EIF4A2: variants seen among roughly 807,000 people sequenced by gnomAD.
EIF4A2 encodes eukaryotic initiation factor 4A-II.
Under a neutral mutation model 50.6 loss-of-function variants are expected in EIF4A2, and 9 were observed. The observed-to-expected ratio is 0.18, with a 90% confidence interval of 0.11 to 0.31. The LOEUF (loss-of-function observed/expected upper bound fraction) is 0.31. EIF4A2 is among the 10% of genes least tolerant of loss of function. The pLI is 1.00. For missense variants in EIF4A2, 182 were observed against 501.8 expected (o/e 0.36, Z 6.09); for synonymous variants, 215 against 164.4 (o/e 1.31, Z -2.35).
intron 10 of EIF4A2, 115 bp downstream of exon 10, chr3:186,787,997 A>C (rs1721854583): frequency 9.0e-7 from 1 of 1,114,444 alleles, no homozygotes; most frequent in Admixed American, 2.5e-5. Flanking sequence ...AGTAGTGTTC[A>C]GTAAGATGAT....
intron 9 of EIF4A2, 90 bp downstream of exon 9, chr3:186,787,674 T>A: frequency 6.3e-7 from 1 of 1,592,536 alleles, no homozygotes; most frequent in Non-Finnish European, 8.6e-7. Context: ...TTGGGCTATT[T>A]GGAAGAGTAA....
In EIF4A2 at chr3:186,787,415, C is replaced by T. The variant is rs184058253; in HGVS notation, c.910-80C>T. 45 of 1,606,062 alleles carry T rather than the reference C, an allele frequency of 2.8e-5. 1 individual carries two copies. In the Middle Eastern group the frequency reaches 1.2e-3, roughly 41 times the overall value. ...GCTATTCTCCTGTAGCAGCCAGGGA[C>T]GCTTGGTCTCATACATGTTGATTAA... is the stretch of plus-strand genomic sequence containing the variant. On this transcript the variant is annotated intron_variant, in intron 8 of 10. Transcript: ENST00000323963.
chr3:186,785,200 C>G lies in EIF4A2; in HGVS notation c.348+99C>G, dbSNP rs548593456. ...AAAACTTAGTATAAATTGGTCCTAC[C>G]AGATCCCTCCTTTTAATTGTCCATG... is the stretch of plus-strand genomic sequence containing the variant. On this transcript the variant is annotated intron_variant, in intron 4 of 10. Transcript: ENST00000323963. 3 of 1,517,474 alleles carry G rather than the reference C, an allele frequency of 2.0e-6. No individual in the cohort carries two copies. The South Asian group carries it at 3.8e-5, about 19-fold the overall frequency. 94.0% of individuals were successfully genotyped at this position (1,517,474 alleles called of 1,614,324 possible). A position where few individuals can be genotyped will look rare whatever the true frequency, so the allele number is the denominator to read the frequency against.
At position 186,789,514 on chromosome 3, in the gene EIF4A2, C is replaced by T. The variant is rs949742163; in HGVS notation, c.*245C>T. Reference sequence around the variant, plus strand: ...AAAAGATGGGGTCTGTAAAATCTTTCTTTCTTAGAAATTTATTTCCTAGTT... The same window carrying T: ...AAAAGATGGGGTCTGTAAAATCTTTTTTTCTTAGAAATTTATTTCCTAGTT... On this transcript the variant is annotated 3_prime_UTR_variant, in exon 11 of 11. Coordinates refer to ENST00000323963, the MANE Select transcript of EIF4A2 (RefSeq NM_001967.4). 2.2e-5 allele frequency: 9 copies of T among 400,720 alleles called. No individual in the cohort carries two copies. The highest frequency in any genetic ancestry group is 3.5e-5 in the Non-Finnish European group (8 of 229,382). 24.8% of individuals were successfully genotyped at this position (400,720 alleles called of 1,614,324 possible).
At chr3:186,788,079 G>A in intron 10 of EIF4A2, 197 bp downstream of exon 10, 1 of 725,032 alleles carries the variant, frequency 1.4e-6, no homozygotes, top group Non-Finnish European at 2.2e-6. Context: ...CCCAGATTGT[G>A]GACATAGGGT....
At chr3:186,786,403 A>G in intron 6 of EIF4A2, 99 bp from the exon 7 acceptor site, 2 of 1,538,858 alleles carry the variant, frequency 1.3e-6, no homozygotes, top group African/African-American at 1.4e-5. Context: ...AACTCTGTCT[A>G]CCTTCATTCC....
At chr3:186,788,215 A>G in intron 10 of EIF4A2, 1 of 1,104,700 alleles carries the variant, frequency 9.1e-7, no homozygotes, top group Non-Finnish European at 1.2e-6. Context: ...TAGCAATTTG[A>G]GTGAACCCTG....
chr3:186,786,351 G>A, intron 6 of EIF4A2, 78 bp downstream of exon 6: 1 of 1,512,332 alleles, frequency 6.6e-7, no homozygotes, highest in Non-Finnish European at 9.0e-7. Context: ...TACAACTGAT[G>A]TGTTTTGTTG....
In EIF4A2 at chr3:186,786,291, C is replaced by T; in HGVS notation, c.627+18C>T. 2.5e-6 allele frequency: 4 copies of T among 1,603,864 alleles called. No individual in the cohort carries two copies. The highest frequency in any genetic ancestry group is 2.2e-5 in the East Asian group (1 of 44,752). ...GTATTCAGGTAAGCATTACTTCACC[C>T]CCCTCTTAAAGGTAGAGATGGGGTT... On this transcript the variant is annotated intron_variant, in intron 6 of 10. Transcript: ENST00000323963.
Position 186,789,770 on chromosome 3 carries a change from G to GT in EIF4A2, c.*502dup. On this transcript the variant is annotated 3_prime_UTR_variant, in exon 11 of 11. Coordinates refer to ENST00000323963, the MANE Select transcript of EIF4A2 (RefSeq NM_001967.4). ...ATAAAGTATTTAATTAGTGCTAAGT[G>GT]TGAACTGGACCCTGTTGCTAAGCCC... The GT allele has an allele frequency of 3.6e-6, 2 of 549,018 alleles. No individual in the cohort carries two copies. Among genetic ancestry groups the GT allele is most frequent in the South Asian group, 4.8e-5 (2 of 41,924 alleles). 34.0% of individuals were successfully genotyped at this position (549,018 alleles called of 1,614,324 possible).
intron 10 of EIF4A2, chr3:186,788,168 T>A (rs551555875): frequency 1.3e-6 from 1 of 749,698 alleles, no homozygotes; most frequent in South Asian, 1.8e-5. Context: ...TTCTTGGTGA[T>A]TTTTTCTATA....
At chr3:186,783,790 G>T in intron 1 of EIF4A2, 151 bp downstream of exon 1, 8 of 1,266,920 alleles carry the variant, frequency 6.3e-6, no homozygotes, top group Non-Finnish European at 7.9e-6. Context: ...CTTCCATGAT[G>T]GGTAGGGCCC....
In EIF4A2 at chr3:186,784,172, C is replaced by A. The variant is rs182723385; in HGVS notation, c.30-260C>A. ...CTTGCGCATTGTTGGGGGCGGAGTT[C>A]GGCGCTCCGAGCTCTCGCGAGACGC... On this transcript the variant is annotated intron_variant, in intron 1 of 10. Transcript: ENST00000323963. 1.1e-5 allele frequency: 6 copies of A among 557,390 alleles called. No individual in the cohort carries two copies. The South Asian group carries it at 1.1e-4, about 10-fold the overall frequency. 34.5% of individuals were successfully genotyped at this position (557,390 alleles called of 1,614,324 possible).
In EIF4A2 at chr3:186,784,600, A is replaced by G; in HGVS notation, c.112A>G (p.Met38Val). ...WNEIVDNFDD[M>V]NLKESLLRGI... ...TGAGATTGTTGATAACTTTGATGATATGAATTTAAAGGAGTCTCTCCTTCG... is the reference window on the plus strand; with the variant it reads ...TGAGATTGTTGATAACTTTGATGATGTGAATTTAAAGGAGTCTCTCCTTCG... Residue 38 changes from methionine to valine, a missense_variant, in exon 3 of 11, where the codon ATG (methionine) becomes GTG (valine). Around this residue, in one of 7 missense-constraint regions of EIF4A2, gnomAD observed 113 missense variants for 357.3 expected, o/e 0.32. Coordinates refer to ENST00000323963, the MANE Select transcript of EIF4A2 (RefSeq NM_001967.4). The G allele has an allele frequency of 6.2e-7, 1 of 1,614,240 alleles. No individual in the cohort carries two copies. Among genetic ancestry groups the G allele is most frequent in the Non-Finnish European group, 8.5e-7 (1 of 1,180,032 alleles).
In EIF4A2 at chr3:186,783,610, C is replaced by T. The variant is rs774354910; in HGVS notation, c.-1C>T. 74 of 1,614,128 alleles carry T rather than the reference C, an allele frequency of 4.6e-5. No individual in the cohort carries two copies. The highest frequency in any genetic ancestry group is 5.9e-5 in the Non-Finnish European group (70 of 1,180,034). On this transcript the variant is annotated 5_prime_UTR_variant, in exon 1 of 11. Transcript: ENST00000323963. ...TCGGGCGCTGAGTGGTTTTTCGGAT[C>T]ATGTCTGGTGGCTCCGCGGATTATA...
intron 4 of EIF4A2, 93 bp downstream of exon 4, chr3:186,785,194 T>G (rs1301444688): frequency 1.3e-6 from 2 of 1,526,738 alleles, no homozygotes; most frequent in Non-Finnish European, 1.8e-6. Context: ...TATAAATTGG[T>G]CCTACCAGAT....
chr3:186,787,713 ACTTAGTATAGTTCG>A, intron 9 of EIF4A2, 76 bp from the exon 10 acceptor site: 1 of 1,590,044 alleles, frequency 6.3e-7, no homozygotes, highest in Non-Finnish European at 8.6e-7. Flanking sequence ...GGGCTATACC[ACTTAGTATAGTTCG>A]CTACTATTTT....
rs1721721658 is a variant in EIF4A2 at position 186,786,483 on chromosome 3, A to ATAATTTTCTCTTTT, written c.628-15_628-2dup. 1.1e-5 allele frequency: 18 copies of ATAATTTTCTCTTTT among 1,609,914 alleles called. No homozygotes were observed. Among genetic ancestry groups the ATAATTTTCTCTTTT allele is most frequent in the Non-Finnish European group, 1.5e-5 (18 of 1,178,790 alleles). ...ATTAATGTGTAAGTTGTGCTACAAC[A>ATAATTTTCTCTTTT]TAATTTTCTCTTTTTAAGGTTGTGT... On this transcript the variant is annotated intron_variant, in intron 6 of 10. Transcript: ENST00000323963.
intron 1 of EIF4A2, chr3:186,784,030 GGGTT>G: frequency 2.4e-6 from 1 of 419,328 alleles, no homozygotes; most frequent in South Asian, 2.9e-5. Flanking sequence ...ACTTGGGGAA[GGGTT>G]GGAGGCAGCG....
Sources: allele counts gnomAD v4.1 joint callset, GRCh38; gene constraint gnomAD v4.1.1; regional missense constraint gnomAD v4.1.1; transcripts MANE v1.5; gene names NCBI Gene and HGNC (gene_info 2026-07-23, HGNC 2026-07-21).